Variants in SLC66A2 observed in about 807,000 individuals in gnomAD.
SLC66A2 encodes the protein PQ loop repeat containing 1.
In SLC66A2, 23 loss-of-function variants were observed where a neutral mutation model predicts 25.5. The ratio of observed to expected loss-of-function variants is 0.90; its 90% CI spans 0.65 to 1.28. The LOEUF (loss-of-function observed/expected upper bound fraction) is 1.28, where lower values mean the gene tolerates loss of function less well. SLC66A2 is among the 50% of genes most tolerant of loss of function. SLC66A2 has a pLI of 0.00. For synonymous variants in SLC66A2, 193 were observed against 166.5 expected, an observed-to-expected ratio of 1.16 and a Z score of -1.23; for missense variants, 396 against 373.1, an observed-to-expected ratio of 1.06 and a Z score of -0.51.
Position 79,924,160 on chromosome 18 carries a change from G to A in SLC66A2, c.392-4760C>T, listed in dbSNP as rs191750267. Among the ~76,000 whole-genome samples, 5 of 152,342 alleles carry A rather than the reference G, an allele frequency of 3.3e-5. No homozygotes were observed. In the East Asian group the frequency reaches 9.6e-4, roughly 29 times the overall value. ...GGATGGCAGAGGGACAGCAGGGTGA[G>A]AGGCACGAGGCGAGGCAGCTGAGAT... On this transcript the variant is annotated intron_variant, in intron 4 of 5. Transcript: ENST00000397778.
At chr18:79,909,686 G>C (rs1361924853) in intron 5 of SLC66A2, among the ~76,000 whole-genome samples, 25 of 115,716 alleles carry the variant, frequency 2.2e-4, no homozygotes, top group African/African-American at 2.4e-4. Context: ...TCTCACAACA[G>C]AGTCCCCAAC....
intron 1 of SLC66A2, 59 bp from the exon 2 acceptor site, chr18:79,951,084 G>T: frequency 2.6e-6 from 1 of 390,300 alleles, no homozygotes; most frequent in Non-Finnish European, 4.2e-6. Flanking sequence ...GGCGCGCACG[G>T]ACCCGACCCG....
chr18:79,916,145 CCCGCGGCGCTCTCGT>C, intron 5 of SLC66A2, among the ~76,000 whole-genome samples: 1 of 57,430 alleles, frequency 1.7e-5, no homozygotes, highest in South Asian at 9.8e-4. Flanking sequence ...TGCTCCCGTA[CCCGCGGCGCTCTCGT>C]ACCCGCAGTG....
chr18:79,911,505 C>T (rs1306865599), intron 5 of SLC66A2, among the ~76,000 whole-genome samples: 2 of 152,250 alleles, frequency 1.3e-5, no homozygotes, highest in African/African-American at 4.8e-5. Context: ...CCCAGGTCAC[C>T]GCCCGGCTCC....
At chr18:79,945,852 G>A (rs2050907326) in intron 2 of SLC66A2, among the ~76,000 whole-genome samples, 1 of 152,240 alleles carries the variant, frequency 6.6e-6, no homozygotes, top group Non-Finnish European at 1.5e-5. Context: ...GTTCTCCACT[G>A]GCTACCAAGC....
At chr18:79,947,550 TCCCGCC>T in intron 2 of SLC66A2, among the ~76,000 whole-genome samples, 1 of 151,346 alleles carries the variant, frequency 6.6e-6, no homozygotes, top group Non-Finnish European at 1.5e-5. Context: ...TCTCCCCGTC[TCCCGCC>T]CCTTCTCACC....
rs957885973 is a variant in SLC66A2 at position 79,917,354 on chromosome 18, G to A, written c.608+1830C>T. Among the ~76,000 whole-genome samples the A allele has an allele frequency of 2.6e-5, 4 of 152,238 alleles. No individual in the cohort carries two copies. The highest frequency in any genetic ancestry group is 4.4e-5 in the Non-Finnish European group (3 of 68,028). On this transcript the variant is annotated intron_variant, in intron 5 of 5. Transcript: ENST00000397778. The surrounding 1 kb of genome is among the most constrained non-coding windows in gnomAD (Gnocchi z 6.0). ...CCTGCCAAGCCTGGGGCCCCTGTGAGGTCACACACGGCCAGCTCCTTGTGA... is the reference window on the plus strand; with the variant it reads ...CCTGCCAAGCCTGGGGCCCCTGTGAAGTCACACACGGCCAGCTCCTTGTGA...
At position 79,902,876 on chromosome 18, in the gene SLC66A2, G is replaced by C. The variant is rs974704915; in HGVS notation, c.*1100C>G. 8 of 152,900 alleles carry C rather than the reference G, an allele frequency of 5.2e-5. No homozygotes were observed. The highest frequency in any genetic ancestry group is 7.3e-5 in the Non-Finnish European group (5 of 68,598). 9.5% of individuals were successfully genotyped at this position (152,900 alleles called of 1,614,324 possible). ...GTGCGGTGACAAGGGTCAGACTGGC[G>C]GCTCCCACTGCAGCCAGAAGTGAGG... On this transcript the variant is annotated 3_prime_UTR_variant, in exon 6 of 6. Coordinates refer to ENST00000397778, the MANE Select transcript of SLC66A2 (RefSeq NM_025078.5).
intron 2 of SLC66A2, 41 bp downstream of exon 2, chr18:79,950,683 C>G: frequency 2.0e-5 from 32 of 1,600,020 alleles, no homozygotes; most frequent in Non-Finnish European, 2.7e-5. Context: ...GAGAAACCCT[C>G]TTCTCCGGGT....
chr18:79,921,865 G>C (rs1191112572), intron 4 of SLC66A2, among the ~76,000 whole-genome samples: 4 of 5,896 alleles, frequency 6.8e-4, no homozygotes, highest in Non-Finnish European at 0.2. Context: ...AGAGGTCAAG[G>C]TCAGTGAGGA....
At chr18:79,916,629 A>G (rs1319487659) in intron 5 of SLC66A2, among the ~76,000 whole-genome samples, 1 of 152,212 alleles carries the variant, frequency 6.6e-6, no homozygotes, top group African/African-American at 2.4e-5. Flanking sequence ...GGAGAGCTGA[A>G]TTTGCGGGAG....
chr18:79,903,645 G>T lies in SLC66A2; in HGVS notation c.*331C>A, dbSNP rs1003099308. The T allele has an allele frequency of 5.7e-6, 2 of 350,866 alleles. No homozygotes were observed. The highest frequency in any genetic ancestry group is 1.0e-5 in the Non-Finnish European group (2 of 192,882). 21.7% of individuals were successfully genotyped at this position (350,866 alleles called of 1,614,324 possible). Reference sequence around the variant, plus strand: ...TGGCCCGTGTGTCCACCTGGAGCAGGTTCCTGCAGGCCGCCCAATGTGTAC... The same window carrying T: ...TGGCCCGTGTGTCCACCTGGAGCAGTTTCCTGCAGGCCGCCCAATGTGTAC... On this transcript the variant is annotated 3_prime_UTR_variant, in exon 6 of 6. Transcript: ENST00000397778.
At chr18:79,925,660 G>A (rs1985866205) in intron 4 of SLC66A2, among the ~76,000 whole-genome samples, 1 of 152,160 alleles carries the variant, frequency 6.6e-6, no homozygotes, top group Non-Finnish European at 1.5e-5. Flanking sequence ...AACTGCTCCT[G>A]GATTAAAAAG....
At chr18:79,948,133 G>A (rs1309138422) in intron 2 of SLC66A2, among the ~76,000 whole-genome samples, 1 of 152,204 alleles carries the variant, frequency 6.6e-6, no homozygotes, top group Non-Finnish European at 1.5e-5. Context: ...TCTATGAAGA[G>A]ACCCATGGAC....
intron 4 of SLC66A2, among the ~76,000 whole-genome samples, chr18:79,928,693 G>T (rs1986256054): frequency 1.3e-5 from 2 of 152,244 alleles, no homozygotes; most frequent in South Asian, 4.1e-4. Context: ...CTCCCAGCAG[G>T]CAACCGAGAA....
At position 79,950,868 on chromosome 18, in the gene SLC66A2, C is replaced by A. The variant is rs2145005870; in HGVS notation, c.59G>T (p.Gly20Val). ...LVPLHQLVSW[G>V]AAAAMVFGGV... The stretch of plus-strand genomic sequence containing the variant: ...TCCGAAGACCATGGCCGCGGCCGCG[C>A]CCCAGGACACCAGCTGGTGCAGTGG... The change falls in exon 2 of 6, where the codon GGC (glycine) becomes GTC (valine). Residue 20 changes from glycine to valine, a missense_variant. Transcript: ENST00000397778. 2 of 1,607,412 alleles carry A rather than the reference C, an allele frequency of 1.2e-6. No individual in the cohort carries two copies. The highest frequency in any genetic ancestry group is 4.5e-5 in the East Asian group (2 of 44,382).
intron 3 of SLC66A2, 115 bp from the exon 4 acceptor site, chr18:79,934,137 AAAAAC>A (rs1362117306): frequency 5.2e-5 from 43 of 826,730 alleles, no homozygotes; most frequent in Non-Finnish European, 7.6e-5. Context: ...TTAAAAAAAA[AAAAAC>A]AAACCAGAAT....
intron 5 of SLC66A2, among the ~76,000 whole-genome samples, chr18:79,913,314 C>T (rs1260142122): frequency 1.3e-5 from 2 of 151,856 alleles, no homozygotes; most frequent in Non-Finnish European, 2.9e-5. Context: ...AACGCACCCC[C>T]GCTGCCCTCA....
In SLC66A2 at chr18:79,943,320, G is replaced by A. The variant is rs1987859300; in HGVS notation, c.337+9C>T. 6.2e-7 allele frequency: 1 copy of A among 1,613,072 alleles called. No homozygotes were observed. The highest frequency in any genetic ancestry group is 8.5e-7 in the Non-Finnish European group (1 of 1,179,552). ...CCTGCGACTTTATTCCGAAGCGCCG[G>A]CCACCAACCTGTAAAGGAGCGGCGC... On this transcript the variant is annotated intron_variant, in intron 3 of 5. Transcript: ENST00000397778.
Sources: gnomAD v4.1 joint callset for allele counts (sites outside exome capture counted in the v4.1 genomes callset) on GRCh38, gnomAD v4.1.1 for gene constraint, Gnocchi (gnomAD v3.1) non-coding constraint, MANE v1.5 for transcripts, NCBI Gene and HGNC (gene_info 2026-07-23, HGNC 2026-07-21) for gene names.